Variants in PDIA5 observed in about 807,000 individuals in gnomAD.
PDIA5 encodes the protein protein disulfide isomerase family A member 5.
Under a neutral mutation model 77.6 loss-of-function variants are expected in PDIA5, and 58 were observed. The ratio of observed to expected loss-of-function variants is 0.75; its 90% CI spans 0.61 to 0.93. The LOEUF is 0.93. Ranked by LOEUF, PDIA5 falls within the 40% of genes least tolerant of loss-of-function variation. The pLI is 0.00. For synonymous variants in PDIA5, 250 were observed against 252.1 expected, an observed-to-expected ratio of 0.99 and a Z score of 0.08; for missense variants, 630 against 647.7, an observed-to-expected ratio of 0.97 and a Z score of 0.30.
chr3:123,080,157 T>TGGGG (rs1450442753), intron 1 of PDIA5, among the ~76,000 whole-genome samples: 1 of 150,652 alleles, frequency 6.6e-6, no homozygotes, highest in South Asian at 2.1e-4. Flanking sequence ...GGTGTGTGTG[T>TGGGG]GGGGGGGATT....
At chr3:123,151,533 T>A (rs527249745) in intron 14 of PDIA5, among the ~76,000 whole-genome samples, 1 of 152,308 alleles carries the variant, frequency 6.6e-6, no homozygotes, top group East Asian at 1.9e-4. Flanking sequence ...GACGAAATAC[T>A]TTCCCCCAGA....
Position 123,154,929 on chromosome 3 carries a change from C to T in PDIA5, c.1274-42C>T, listed in dbSNP as rs755644373. The stretch of plus-strand genomic sequence containing the variant: ...TCCCTGGCCCTGCAGCCTCCCTGCA[C>T]ATGCATCACAGTCCTGTGTGCTCTC... On this transcript the variant is annotated intron_variant, in intron 14 of 16. Transcript: ENST00000316218. 5.2e-6 allele frequency: 7 copies of T among 1,338,206 alleles called. No homozygotes were observed. In the East Asian group the frequency reaches 1.1e-4, roughly 22 times the overall value. The allele number at this position is 1,338,206 out of a possible 1,614,324, so 82.9% of individuals were successfully genotyped here.
At position 123,159,189 on chromosome 3, in the gene PDIA5, C is replaced by T. The variant is rs529500344; in HGVS notation, c.1345-2132C>T. On this transcript the variant is annotated intron_variant, in intron 15 of 16. Transcript: ENST00000316218. ...CCATGTTCATCCAGCACTTTCATGG[C>T]GGAGCAGCAGCTCCTGGCCCGGGCT... Among the ~76,000 whole-genome samples, 13 of 152,334 alleles carry T rather than the reference C, an allele frequency of 8.5e-5. No homozygotes were observed. The South Asian group carries it at 2.3e-3, about 27-fold the overall frequency.
intron 15 of PDIA5, among the ~76,000 whole-genome samples, chr3:123,157,345 G>A (rs1936044094): frequency 6.6e-6 from 1 of 152,214 alleles, no homozygotes. Flanking sequence ...TCAGATCAGA[G>A]TCTCTGGGGG....
At chr3:123,093,394 T>G (rs1303873135) in intron 3 of PDIA5, among the ~76,000 whole-genome samples, 1 of 152,192 alleles carries the variant, frequency 6.6e-6, no homozygotes, top group African/African-American at 2.4e-5. Flanking sequence ...GGTCCAAAAG[T>G]GTGCTTGCCT....
intron 15 of PDIA5, among the ~76,000 whole-genome samples, chr3:123,157,696 T>C (rs893213539): frequency 5.3e-5 from 8 of 152,232 alleles, no homozygotes; most frequent in African/African-American, 1.9e-4. Flanking sequence ...ACTGAATCAA[T>C]AAAGCTGTGT....
chr3:123,152,933 G>A lies in PDIA5; in HGVS notation c.1274-2038G>A, dbSNP rs77357972. 1.0e-3 allele frequency among the ~76,000 whole-genome samples: 155 copies of A among 149,748 alleles called. 3 individuals are homozygous for A. In the East Asian group the frequency reaches 0.018, roughly 17 times the overall value. ...TTCCTCTTTCCCCACTCTGGGAGGCGTCTTTGGTTTTCTGCTACACAGAGG... is the reference window on the plus strand; with the variant it reads ...TTCCTCTTTCCCCACTCTGGGAGGCATCTTTGGTTTTCTGCTACACAGAGG... On this transcript the variant is annotated intron_variant, in intron 14 of 16. Transcript: ENST00000316218.
chr3:123,137,819 AT>A (rs1935536772), intron 11 of PDIA5, among the ~76,000 whole-genome samples: 1 of 152,132 alleles, frequency 6.6e-6, no homozygotes, highest in Admixed American at 6.6e-5. Context: ...GACCTCTGGG[AT>A]TTGTGGGTTG....
chr3:123,160,529 G>A (rs2717229), intron 15 of PDIA5, among the ~76,000 whole-genome samples: 70,262 of 151,916 alleles, frequency 0.46, 16,563 homozygotes, highest in South Asian at 0.55. Flanking sequence ...CATACAGAGC[G>A]CCTTTGCCCC....
chr3:123,072,910 T>TGTGTGTGTGTGTG (rs1933759893), intron 1 of PDIA5, among the ~76,000 whole-genome samples: 1 of 72,208 alleles, frequency 1.4e-5, no homozygotes, highest in Non-Finnish European at 2.8e-5. Flanking sequence ...CTACCTCTCC[T>TGTGTGTGTGTGTG]TCTGTGTGTG....
At chr3:123,100,052 T>C (rs908744080) in intron 3 of PDIA5, among the ~76,000 whole-genome samples, 1 of 152,234 alleles carries the variant, frequency 6.6e-6, no homozygotes, top group Non-Finnish European at 1.5e-5. Flanking sequence ...ATCCCAGCCT[T>C]GGCCCCTGCC....
At chr3:123,151,180 C>T (rs909520107) in intron 14 of PDIA5, among the ~76,000 whole-genome samples, 5 of 152,208 alleles carry the variant, frequency 3.3e-5, no homozygotes, top group African/African-American at 1.2e-4. Flanking sequence ...AGAGGGGCCG[C>T]CACAGCCTCA....
intron 12 of PDIA5, 79 bp downstream of exon 12, chr3:123,145,671 C>A: frequency 8.0e-7 from 1 of 1,253,792 alleles, no homozygotes; most frequent in Non-Finnish European, 1.2e-6. Context: ...CTTTCCCCTG[C>A]AAGCCCTGCT....
rs1170006816 is a variant in PDIA5, at chr3:123,155,054, C to T, written c.1344+13C>T. On this transcript the variant is annotated intron_variant, in intron 15 of 16. Coordinates refer to ENST00000316218, the MANE Select transcript of PDIA5 (RefSeq NM_006810.4). Reference sequence around the variant, plus strand: ...AGATGACCGAAAGGTAAGGACAGCGCTCTTCATCTCTTGATCTGCCTGCAG... The same window carrying T: ...AGATGACCGAAAGGTAAGGACAGCGTTCTTCATCTCTTGATCTGCCTGCAG... 5 of 1,564,950 alleles carry T rather than the reference C, an allele frequency of 3.2e-6. No homozygotes were observed. The highest frequency in any genetic ancestry group is 1.7e-5 in the Admixed American group (1 of 59,992).
At chr3:123,111,160 T>C (rs1456771336) in intron 7 of PDIA5, among the ~76,000 whole-genome samples, 156 bp downstream of exon 7, 2 of 152,124 alleles carry the variant, frequency 1.3e-5, no homozygotes, top group Non-Finnish European at 2.9e-5. Flanking sequence ...TTTTCCTTCA[T>C]CTTTGCCTTT....
chr3:123,074,896 G>A (rs1933811907), intron 1 of PDIA5, among the ~76,000 whole-genome samples: 1 of 152,170 alleles, frequency 6.6e-6, no homozygotes. Context: ...TGACATTTTA[G>A]TATCATACTG....
intron 16 of PDIA5, 38 bp downstream of exon 16, chr3:123,161,493 C>G: frequency 6.3e-7 from 1 of 1,599,312 alleles, no homozygotes; most frequent in Non-Finnish European, 8.5e-7. Flanking sequence ...AGCTCTCTCT[C>G]TGCTGATGGG....
intron 4 of PDIA5, 25 bp from the exon 5 acceptor site, chr3:123,102,726 A>G (rs1934633806): frequency 1.3e-6 from 2 of 1,575,910 alleles, no homozygotes; most frequent in Non-Finnish European, 1.7e-6. Flanking sequence ...CTTAAAGTTA[A>G]CACATTTTTC....
At chr3:123,090,586 G>T (rs1461105851) in intron 2 of PDIA5, among the ~76,000 whole-genome samples, 1 of 152,190 alleles carries the variant, frequency 6.6e-6, no homozygotes, top group African/African-American at 2.4e-5. Context: ...GTGGGAGCTG[G>T]TCCCCTATGC....
Sources: gnomAD v4.1 joint callset for allele counts (sites outside exome capture counted in the v4.1 genomes callset) on GRCh38, gnomAD v4.1.1 for gene constraint, MANE v1.5 for transcripts, NCBI Gene and HGNC (gene_info 2026-07-23, HGNC 2026-07-21) for gene names.